KHDRBS2: variants seen among roughly 807,000 people sequenced by gnomAD.
The protein encoded by KHDRBS2 is KH domain-containing, RNA-binding, signal transduction-associated protein 2.
KHDRBS2 carries 26 observed loss-of-function variants against 44.3 expected under a neutral mutation model. That is an observed-to-expected ratio of 0.59 (90% CI 0.43 to 0.81). KHDRBS2 has a LOEUF of 0.81. Ranked by LOEUF, KHDRBS2 falls within the 40% of genes least tolerant of loss-of-function variation. The pLI is 0.00. For missense variants in KHDRBS2, 476 were observed against 433.1 expected, an observed-to-expected ratio of 1.10 and a Z score of -0.88; for synonymous variants, 194 against 151.1, an observed-to-expected ratio of 1.28 and a Z score of -2.08.
chr6:62,030,477 G>A (rs1178762157), intron 3 of KHDRBS2, among the ~76,000 whole-genome samples: 2 of 151,986 alleles, frequency 1.3e-5, no homozygotes, highest in Admixed American at 1.3e-4. Context: ...TCTTACTAGG[G>A]AATGAGAATC....
intron 6 of KHDRBS2, among the ~76,000 whole-genome samples, chr6:61,874,438 CCT>C (rs1477567380): frequency 6.6e-6 from 1 of 151,998 alleles, no homozygotes; most frequent in Non-Finnish European, 1.5e-5. Flanking sequence ...TGTTTAGCCC[CCT>C]CCTTTCTAAA....
At chr6:61,796,030 A>G (rs1028717394) in intron 6 of KHDRBS2, among the ~76,000 whole-genome samples, 5 of 152,106 alleles carry the variant, frequency 3.3e-5, no homozygotes, top group African/African-American at 7.2e-5. Context: ...CTTTTAACTG[A>G]GTAATCTGAC....
intron 6 of KHDRBS2, among the ~76,000 whole-genome samples, chr6:61,743,777 C>A (rs1011783112): frequency 1.3e-4 from 19 of 142,792 alleles, no homozygotes; most frequent in Admixed American, 3.5e-4. Context: ...GCTATCCCCC[C>A]CCTCCCCCCA....
chr6:62,239,435 T>C (rs1376154336), intron 1 of KHDRBS2, among the ~76,000 whole-genome samples: 1 of 151,512 alleles, frequency 6.6e-6, no homozygotes, highest in Admixed American at 6.6e-5. Context: ...TAACTGGGAG[T>C]GGTGACACAC....
chr6:61,980,384 ACACCATCAC>A (rs1773586304), intron 3 of KHDRBS2, among the ~76,000 whole-genome samples: 1 of 152,164 alleles, frequency 6.6e-6, no homozygotes, highest in Admixed American at 6.6e-5. Flanking sequence ...GTGAGGCATC[ACACCATCAC>A]CACCACCACC....
the KHDRBS2 span, among the ~76,000 whole-genome samples, chr6:61,562,036 C>A: frequency 6.6e-6 from 1 of 152,214 alleles, no homozygotes; most frequent in East Asian, 1.9e-4. Context: ...CCATGTTTAA[C>A]CAACTCTAGG....
At chr6:62,073,815 T>C (rs1795788972) in intron 2 of KHDRBS2, among the ~76,000 whole-genome samples, 1 of 151,754 alleles carries the variant, frequency 6.6e-6, no homozygotes, top group African/African-American at 2.4e-5. Context: ...TTCACCAAGA[T>C]CGACATTAGT....
the KHDRBS2 span, among the ~76,000 whole-genome samples, chr6:61,558,200 G>A: frequency 6.6e-6 from 1 of 151,916 alleles, no homozygotes; most frequent in Non-Finnish European, 1.5e-5. Context: ...TTTTCTAGGT[G>A]TTTAAGATGA....
chr6:61,790,772 C>T (rs1784521386), intron 6 of KHDRBS2, among the ~76,000 whole-genome samples: 2 of 151,486 alleles, frequency 1.3e-5, no homozygotes, highest in African/African-American at 2.4e-5. Flanking sequence ...ATTTATGTAG[C>T]TTCAATGAAA....
chr6:61,770,750 G>T (rs1309634692), intron 6 of KHDRBS2, among the ~76,000 whole-genome samples: 2 of 152,182 alleles, frequency 1.3e-5, no homozygotes, highest in African/African-American at 4.8e-5. Context: ...GAACCAAGTT[G>T]GAAACCACTC....
chr6:62,216,855 A>G (rs1830089303), intron 1 of KHDRBS2, among the ~76,000 whole-genome samples: 1 of 151,320 alleles, frequency 6.6e-6, no homozygotes, highest in Non-Finnish European at 1.5e-5. Flanking sequence ...AAATTAGACC[A>G]TATTTACTCA....
At chr6:62,108,647 C>G (rs1192479) in intron 2 of KHDRBS2, among the ~76,000 whole-genome samples, 2 of 152,240 alleles carry the variant, frequency 1.3e-5, no homozygotes, top group South Asian at 2.1e-4. Flanking sequence ...CACATGCACA[C>G]GTATGTTCAT....
intron 2 of KHDRBS2, among the ~76,000 whole-genome samples, chr6:62,063,277 T>A (rs1792532382): frequency 6.7e-6 from 1 of 149,774 alleles, no homozygotes; most frequent in Non-Finnish European, 1.5e-5. Context: ...TAACTCATTT[T>A]ATGAGGCCAG....
intron 7 of KHDRBS2, among the ~76,000 whole-genome samples, chr6:61,727,631 A>C (rs1262468717): frequency 6.6e-6 from 1 of 152,222 alleles, no homozygotes; most frequent in East Asian, 1.9e-4. Context: ...AAAGGACCTG[A>C]ACAGATACTT....
rs556092519 is a variant in KHDRBS2, at chr6:62,122,902, G to A, written c.219+54283C>T. ...TTATTTTATTTATTTACTTTTTGAC[G>A]TTTTTTAATAAATTATACTTTAAGT... On this transcript the variant is annotated intron_variant, in intron 2 of 8. Transcript: ENST00000281156. Among the ~76,000 whole-genome samples, 30 of 125,772 alleles carry A rather than the reference G, an allele frequency of 2.4e-4. 2 individuals are homozygous for A. Among genetic ancestry groups the A allele is most frequent in the Admixed American group, 3.8e-4 (5 of 13,292 alleles). 82.5% of individuals were successfully genotyped at this position (125,772 alleles called of 152,430 possible). A position where few individuals can be genotyped will look rare whatever the true frequency, so the allele number is the denominator to read the frequency against.
rs185100996 is a variant in KHDRBS2, at chr6:61,783,871, T to C, written c.811-51107A>G. Among the ~76,000 whole-genome samples, 48 of 152,166 alleles carry C rather than the reference T, an allele frequency of 3.2e-4. No homozygotes were observed. In the East Asian group the frequency reaches 8.9e-3, roughly 28 times the overall value. ...GTTGTATTAGGAGAAAAATACAGCA[T>C]TTAATTATGTGAATGGTTGTTAAAG... On this transcript the variant is annotated intron_variant, in intron 6 of 8. Transcript: ENST00000281156.
intron 6 of KHDRBS2, among the ~76,000 whole-genome samples, chr6:61,834,683 T>C (rs1014667093): frequency 5.3e-5 from 8 of 152,034 alleles, no homozygotes; most frequent in African/African-American, 1.9e-4. Flanking sequence ...TGGTTCATCA[T>C]TTAATTCTTC....
At chr6:61,992,242 A>G (rs1776272458) in intron 3 of KHDRBS2, among the ~76,000 whole-genome samples, 1 of 152,144 alleles carries the variant, frequency 6.6e-6, no homozygotes, top group Non-Finnish European at 1.5e-5. Flanking sequence ...GGCATTTCAG[A>G]CTTTTAAAAT....
the KHDRBS2 span, among the ~76,000 whole-genome samples, chr6:61,584,985 T>C: frequency 3.9e-5 from 6 of 152,006 alleles, no homozygotes; most frequent in Non-Finnish European, 8.8e-5. Flanking sequence ...CTGTGTAAAT[T>C]TATACCAAAA....
Sources: gnomAD v4.1 joint callset for allele counts (sites outside exome capture counted in the v4.1 genomes callset) on GRCh38, gnomAD v4.1.1 for gene constraint, MANE v1.5 for transcripts, NCBI Gene and HGNC (gene_info 2026-07-23, HGNC 2026-07-21) for gene names.